Variants in CNBD1 observed in about 807,000 individuals in gnomAD.
CNBD1 encodes the protein cyclic nucleotide binding domain containing 1.
In CNBD1, 71 loss-of-function variants were observed where a neutral mutation model predicts 54.4. That is an observed-to-expected ratio of 1.30 (90% CI 1.08 to 1.59). The LOEUF (loss-of-function observed/expected upper bound fraction) is 1.59. Among genes scored for constraint, CNBD1 ranks in the 40% most tolerant of loss-of-function variants. CNBD1 has a pLI of 0.00. For synonymous variants in CNBD1, 182 were observed against 170.7 expected, an observed-to-expected ratio of 1.07 and a Z score of -0.51; for missense variants, 659 against 518.0, an observed-to-expected ratio of 1.27 and a Z score of -2.64.
intron 5 of CNBD1, among the ~76,000 whole-genome samples, chr8:87,214,261 T>C (rs1260118924): frequency 6.6e-6 from 1 of 152,216 alleles, no homozygotes; most frequent in African/African-American, 2.4e-5. Context: ...TCTTGAATGC[T>C]TTGCTGATAC....
chr8:87,428,058 T>C (rs1808079267), intron 2 of CNBD1, among the ~76,000 whole-genome samples: 1 of 151,724 alleles, frequency 6.6e-6, no homozygotes, highest in Non-Finnish European at 1.5e-5. Flanking sequence ...ATGCCCATAC[T>C]TAAATAAGAA....
At chr8:87,074,706 G>A (rs190305851) in intron 4 of CNBD1, among the ~76,000 whole-genome samples, 225 of 152,164 alleles carry the variant, frequency 1.5e-3, no homozygotes, top group African/African-American at 5.2e-3. Flanking sequence ...ACCACTCCTG[G>A]GTGGACTATC....
At chr8:87,000,609 G>A (rs1425881311) in intron 4 of CNBD1, among the ~76,000 whole-genome samples, 4 of 152,104 alleles carry the variant, frequency 2.6e-5, no homozygotes, top group Admixed American at 6.6e-5. Flanking sequence ...CTTAGAACAG[G>A]TTTGGCCCAT....
chr8:87,250,371 G>A (rs954647539), intron 6 of CNBD1, among the ~76,000 whole-genome samples: 3 of 152,178 alleles, frequency 2.0e-5, no homozygotes, highest in Non-Finnish European at 4.4e-5. Flanking sequence ...TACACTGTTG[G>A]TTGGAATGCA....
At chr8:87,398,683 C>T (rs111353487) in intron 2 of CNBD1, among the ~76,000 whole-genome samples, 2,886 of 152,058 alleles carry the variant, frequency 0.019, 93 homozygotes, top group African/African-American at 0.063. Context: ...CTCAGGGAGG[C>T]CTATATGGTT....
rs182229066 is a variant in CNBD1 at position 87,154,205 on chromosome 8, G to T, written c.432-51788G>T. Among the ~76,000 whole-genome samples the T allele has an allele frequency of 3.7e-3, 569 of 152,238 alleles. 6 individuals are homozygous for T. Among genetic ancestry groups the T allele is most frequent in the Middle Eastern group, 0.027 (8 of 294 alleles). On this transcript the variant is annotated intron_variant, in intron 4 of 10. Coordinates refer to ENST00000518476, the MANE Select transcript of CNBD1 (RefSeq NM_173538.3). The stretch of plus-strand genomic sequence containing the variant: ...TAACCTATCGCATCTCCAATTTGGT[G>T]TAATAGAAAGTGAAATAAAAGGATG...
intron 3 of CNBD1, among the ~76,000 whole-genome samples, chr8:86,931,592 G>A (rs1809459244): frequency 6.6e-6 from 1 of 152,170 alleles, no homozygotes; most frequent in Non-Finnish European, 1.5e-5. Flanking sequence ...TGAGGGCCAT[G>A]ACTAAGGCTG....
intron 4 of CNBD1, among the ~76,000 whole-genome samples, chr8:87,200,210 C>A (rs1813827539): frequency 6.6e-6 from 1 of 152,042 alleles, no homozygotes; most frequent in Admixed American, 6.6e-5. Flanking sequence ...TGGCTCAAAA[C>A]CTCCCAACCT....
intron 4 of CNBD1, among the ~76,000 whole-genome samples, chr8:87,039,420 A>G (rs763394065): frequency 9.2e-5 from 14 of 151,906 alleles, no homozygotes; most frequent in Non-Finnish European, 1.8e-4. Context: ...CCCTTTTGTC[A>G]TTACTGTTTC....
chr8:87,072,399 C>CA (rs1810777092), intron 4 of CNBD1, among the ~76,000 whole-genome samples: 1 of 152,136 alleles, frequency 6.6e-6, no homozygotes, highest in South Asian at 2.1e-4. Flanking sequence ...TTCATAGTGT[C>CA]ACTGGTTTGT....
intron 4 of CNBD1, among the ~76,000 whole-genome samples, chr8:87,165,155 T>C (rs897278742): frequency 1.2e-4 from 18 of 151,982 alleles, no homozygotes; most frequent in African/African-American, 3.4e-4. Flanking sequence ...CTTAAATTTG[T>C]TCATAATTAT....
intron 2 of CNBD1, among the ~76,000 whole-genome samples, chr8:87,398,435 A>C (rs1199920488): frequency 1.3e-5 from 2 of 151,890 alleles, no homozygotes; most frequent in Non-Finnish European, 2.9e-5. Context: ...ATGTACCAAA[A>C]AATGTAATAA....
At chr8:86,890,134 A>T (rs569446125) in intron 2 of CNBD1, among the ~76,000 whole-genome samples, 1 of 152,218 alleles carries the variant, frequency 6.6e-6, no homozygotes, top group East Asian at 1.9e-4. Flanking sequence ...TGGCTATTAT[A>T]TAAACAATAC....
chr8:87,301,212 A>T (rs1363109191), intron 8 of CNBD1, among the ~76,000 whole-genome samples: 1 of 152,146 alleles, frequency 6.6e-6, no homozygotes, highest in African/African-American at 2.4e-5. Context: ...TAATTTAAAA[A>T]TTGCCAACAA....
At chr8:86,920,699 T>A (rs1010453439) in intron 3 of CNBD1, among the ~76,000 whole-genome samples, 3 of 152,150 alleles carry the variant, frequency 2.0e-5, no homozygotes, top group Non-Finnish European at 2.9e-5. Context: ...CCAAAAGCTG[T>A]CAAAGTACGT....
chr8:86,992,500 T>C (rs1808775736), intron 4 of CNBD1, among the ~76,000 whole-genome samples: 1 of 152,144 alleles, frequency 6.6e-6, no homozygotes. Flanking sequence ...GAAATTTTGA[T>C]CCTATCATCA....
At position 86,887,700 on chromosome 8, in the gene CNBD1, T is replaced by C. The variant is rs2032450775; in HGVS notation, c.158+89T>C. On this transcript the variant is annotated intron_variant, in intron 2 of 10. Coordinates refer to ENST00000518476, the MANE Select transcript of CNBD1 (RefSeq NM_173538.3). ...ATAAAGTATAGTAATAAACCATTGC[T>C]GGCTCTCAGAGGTACCTGATTTATC... The C allele has an allele frequency of 6.5e-6, 6 of 916,532 alleles. No individual in the cohort carries two copies. In the South Asian group the frequency reaches 8.7e-5, roughly 13 times the overall value. The allele number at this position is 916,532 out of a possible 1,614,324, so 56.8% of individuals were successfully genotyped here.
chr8:87,321,562 T>C (rs1035116597), intron 8 of CNBD1, among the ~76,000 whole-genome samples: 2 of 152,172 alleles, frequency 1.3e-5, no homozygotes, highest in Non-Finnish European at 2.9e-5. Context: ...TACTGAGTTA[T>C]AGATGTTCCT....
chr8:86,940,132 CTTTT>C, intron 4 of CNBD1, among the ~76,000 whole-genome samples: 1 of 88,732 alleles, frequency 1.1e-5, no homozygotes, highest in South Asian at 4.0e-4. Context: ...CCACATGTTA[CTTTT>C]TTTTTTTTTT....
Sources: gnomAD v4.1 joint callset for allele counts (sites outside exome capture counted in the v4.1 genomes callset) on GRCh38, gnomAD v4.1.1 for gene constraint, MANE v1.5 for transcripts, NCBI Gene and HGNC (gene_info 2026-07-23, HGNC 2026-07-21) for gene names.